The following SPIN1 variants were observed in gnomAD, a reference collection of about 807,000 sequenced individuals.
SPIN1 encodes spindlin 1.
Under a neutral mutation model 26.0 loss-of-function variants are expected in SPIN1, and 3 were observed. That is an observed-to-expected ratio of 0.12 (90% CI 0.05 to 0.30). The LOEUF is 0.30. Among genes scored for constraint, SPIN1 ranks in the 10% least tolerant of loss-of-function variants. The pLI is 1.00. For missense variants in SPIN1, 126 were observed against 333.4 expected (o/e 0.38, Z 4.84); for synonymous variants, 101 against 116.5 (o/e 0.87, Z 0.86).
intron 1 of SPIN1, among the ~76,000 whole-genome samples, chr9:88,408,699 G>GT (rs1465496938): frequency 7.7e-6 from 1 of 130,478 alleles, no homozygotes; most frequent in East Asian, 2.3e-4. Context: ...TTTTGAGACA[G>GT]TTTCACTCTT....
chr9:88,415,254 T>G (rs920854077), intron 1 of SPIN1, among the ~76,000 whole-genome samples: 4 of 152,144 alleles, frequency 2.6e-5, no homozygotes, highest in Admixed American at 2.6e-4. Context: ...CCTTCAGATA[T>G]CTACTTGGTA....
chr9:88,426,141 G>C (rs1827761580), intron 1 of SPIN1, among the ~76,000 whole-genome samples: 1 of 152,172 alleles, frequency 6.6e-6, no homozygotes, highest in Admixed American at 6.5e-5. Context: ...TCTTGGAAGA[G>C]CTTCACTTTT....
rs980694862 is a variant in SPIN1 at position 88,476,017 on chromosome 9, G to C, written c.*740G>C. On this transcript the variant is annotated 3_prime_UTR_variant, in exon 6 of 6. Coordinates refer to ENST00000375859, the MANE Select transcript of SPIN1 (RefSeq NM_006717.3). ...TGTGAACAGTTAATGACCCATATTA[G>C]AATTTTACAATCTGGTGAACAATCT... 4.6e-5 allele frequency: 7 copies of C among 151,936 alleles called. No homozygotes were observed. Among genetic ancestry groups the C allele is most frequent in the African/African-American group, 1.7e-4 (7 of 41,368 alleles). The allele number at this position is 151,936 out of a possible 1,614,324, so 9.4% of individuals were successfully genotyped here.
At chr9:88,462,341 C>G (rs1456259033) in intron 3 of SPIN1, among the ~76,000 whole-genome samples, 155 bp from the exon 4 acceptor site, 1 of 152,128 alleles carries the variant, frequency 6.6e-6, no homozygotes, top group Non-Finnish European at 1.5e-5. Context: ...AGAGGACAAC[C>G]ACTTTGAGTC....
intron 1 of SPIN1, among the ~76,000 whole-genome samples, chr9:88,420,732 C>G (rs1827652901): frequency 6.6e-6 from 1 of 152,122 alleles, no homozygotes; most frequent in African/African-American, 2.4e-5. Context: ...TTCTCTGGAG[C>G]CCTTTAGTCT....
chr9:88,464,341 T>C (rs1287649576), intron 4 of SPIN1, among the ~76,000 whole-genome samples: 1 of 152,234 alleles, frequency 6.6e-6, no homozygotes, highest in Admixed American at 6.5e-5. Flanking sequence ...TCTAAAAAAT[T>C]ACTTGCTCTT....
chr9:88,464,145 G>A (rs1412808411), intron 4 of SPIN1, among the ~76,000 whole-genome samples: 1 of 152,100 alleles, frequency 6.6e-6, no homozygotes, highest in African/African-American at 2.4e-5. Flanking sequence ...AAACATTCAA[G>A]CAATATAAAA....
intron 2 of SPIN1, among the ~76,000 whole-genome samples, chr9:88,438,381 T>C (rs1828051795): frequency 6.6e-6 from 1 of 152,202 alleles, no homozygotes; most frequent in South Asian, 2.1e-4. Flanking sequence ...GTTACTGATT[T>C]CTAGTTTAAT....
intron 1 of SPIN1, among the ~76,000 whole-genome samples, chr9:88,390,874 A>G (rs1826907026): frequency 6.6e-6 from 1 of 152,186 alleles, no homozygotes; most frequent in Non-Finnish European, 1.5e-5. Flanking sequence ...AAAGCTACTC[A>G]AATATGTCAG....
At chr9:88,421,633 G>T (rs947536130) in intron 1 of SPIN1, among the ~76,000 whole-genome samples, 1 of 90,086 alleles carries the variant, frequency 1.1e-5, no homozygotes, top group Non-Finnish European at 2.2e-5. Flanking sequence ...AACAAACCGT[G>T]TGTTTAGGGT....
chr9:88,418,382 A>T (rs966819678), intron 1 of SPIN1, among the ~76,000 whole-genome samples: 1 of 152,072 alleles, frequency 6.6e-6, no homozygotes, highest in Middle Eastern at 3.2e-3. Flanking sequence ...TGTGACAACA[A>T]TTTTTTTTCT....
intron 2 of SPIN1, among the ~76,000 whole-genome samples, chr9:88,442,663 G>A (rs980969016): frequency 4.6e-5 from 7 of 151,976 alleles, no homozygotes; most frequent in Non-Finnish European, 8.8e-5. Flanking sequence ...GGGATTACAG[G>A]TGTGAGCCAC....
intron 1 of SPIN1, among the ~76,000 whole-genome samples, chr9:88,401,235 A>G (rs1043749807): frequency 2.6e-5 from 4 of 152,212 alleles, no homozygotes; most frequent in Non-Finnish European, 5.9e-5. Flanking sequence ...GTTTTTCATT[A>G]TATCAGTGTT....
rs781205023 is a variant in SPIN1, at chr9:88,478,620, TGTAA to T, written c.*3348_*3351del. On this transcript the variant is annotated 3_prime_UTR_variant, in exon 6 of 6. Coordinates refer to ENST00000375859, the MANE Select transcript of SPIN1 (RefSeq NM_006717.3). ...ATACACAATATAAATCTGTTAATTC[TGTAA>T]GTAATTTTTATAATTATGATGTAAC... 22 of 152,242 alleles carry T rather than the reference TGTAA, an allele frequency of 1.4e-4. No individual in the cohort carries two copies. The highest frequency in any genetic ancestry group is 1.3e-4 in the Admixed American group (2 of 15,286). 9.4% of individuals were successfully genotyped at this position (152,242 alleles called of 1,614,324 possible).
intron 1 of SPIN1, among the ~76,000 whole-genome samples, chr9:88,416,392 C>T (rs60495032): frequency 6.6e-6 from 1 of 152,070 alleles, no homozygotes; most frequent in East Asian, 1.9e-4. Flanking sequence ...GTGACTTGAT[C>T]ATAGCTCTCT....
intron 1 of SPIN1, among the ~76,000 whole-genome samples, chr9:88,423,853 C>T (rs1827717419): frequency 6.6e-6 from 1 of 151,992 alleles, no homozygotes; most frequent in African/African-American, 2.4e-5. Flanking sequence ...ACAACCTCTG[C>T]CTCCTGGGTT....
At position 88,393,547 on chromosome 9, in the gene SPIN1, C is replaced by T. The variant is rs890482948; in HGVS notation, c.-159+5009C>T. 2.0e-5 allele frequency among the ~76,000 whole-genome samples: 3 copies of T among 148,740 alleles called. No individual in the cohort carries two copies. The South Asian group carries it at 6.4e-4, about 32-fold the overall frequency. ...TCAGCTGACTGCACCCTCCACCTCC[C>T]GGGAGTCAAGCGATTCTCCTGCCTC... On this transcript the variant is annotated intron_variant, in intron 1 of 5. Coordinates refer to ENST00000375859, the MANE Select transcript of SPIN1 (RefSeq NM_006717.3).
intron 1 of SPIN1, among the ~76,000 whole-genome samples, chr9:88,397,524 T>C (rs1007955383): frequency 2.0e-5 from 3 of 152,126 alleles, no homozygotes; most frequent in East Asian, 3.8e-4. Flanking sequence ...AGCATCACTT[T>C]TAATGAAATT....
Position 88,411,895 on chromosome 9 carries a change from C to T in SPIN1, c.-158-14487C>T, listed in dbSNP as rs150564122. 3.7e-3 allele frequency among the ~76,000 whole-genome samples: 560 copies of T among 151,856 alleles called. 2 individuals carry two copies. Among genetic ancestry groups the T allele is most frequent in the African/African-American group, 0.013 (519 of 41,388 alleles). On this transcript the variant is annotated intron_variant, in intron 1 of 5. Transcript: ENST00000375859. ...AGTTCAGAACAACCCCGTTTGAGGC[C>T]GGGTGCGGTGGCTCATGCCTGTAAT...
Sources: allele counts gnomAD v4.1 joint callset (sites outside exome capture counted in the v4.1 genomes callset), GRCh38; gene constraint gnomAD v4.1.1; transcripts MANE v1.5; gene names NCBI Gene and HGNC (gene_info 2026-07-23, HGNC 2026-07-21).